The following OPTN variants were observed in gnomAD, a reference collection of about 807,000 sequenced individuals.
The protein encoded by OPTN is E3-14.7K-interacting protein.
In OPTN, 54 loss-of-function variants were observed where a neutral mutation model predicts 70.4. The ratio of observed to expected loss-of-function variants is 0.77; its 90% CI spans 0.62 to 0.96. The LOEUF is 0.96. Ranked by LOEUF, OPTN falls within the 40% of genes least tolerant of loss-of-function variation. The probability of loss-of-function intolerance (pLI) is 0.00; values close to 1 mark genes in which losing one functional copy is unlikely to be tolerated. For missense variants in OPTN, 624 were observed against 673.2 expected (o/e 0.93, Z 0.81); for synonymous variants, 256 against 248.5 (o/e 1.03, Z -0.28).
rs56147136 is a variant in OPTN, at chr10:13,128,502, CTTTTTTTTTTTTTTTTTTTTTT to C, written c.1401+610_1401+631del. 5.2e-3 allele frequency among the ~76,000 whole-genome samples: 173 copies of C among 33,518 alleles called. 4 individuals carry two copies. The highest frequency in any genetic ancestry group is 0.027 in the African/African-American group (164 of 6,170). 22.0% of individuals were successfully genotyped at this position (33,518 alleles called of 152,430 possible). A position where few individuals can be genotyped will look rare whatever the true frequency, so the allele number is the denominator to read the frequency against. ...TTGTGAAGTGCCTTATCAAGCCTGC[CTTTTTTTTTTTTTTTTTTTTTT>C]TTTTTTTTTTGGTTTGGTTTGCCTG... is the stretch of plus-strand genomic sequence containing the variant. On this transcript the variant is annotated intron_variant, in intron 12 of 14. Coordinates refer to ENST00000378747, the MANE Select transcript of OPTN (RefSeq NM_001008212.2).
intron 14 of OPTN, among the ~76,000 whole-genome samples, chr10:13,135,401 C>T (rs74122507): frequency 0.02 from 3,093 of 151,882 alleles, 93 homozygotes; most frequent in African/African-American, 0.07. Context: ...TCCTTGTTAA[C>T]TTTATGTAGA....
chr10:13,133,055 T>G (rs1034643299), intron 13 of OPTN, among the ~76,000 whole-genome samples: 1 of 152,206 alleles, frequency 6.6e-6, no homozygotes, highest in African/African-American at 2.4e-5. Flanking sequence ...TTTATACTTT[T>G]ACATATCACA....
chr10:13,125,497 A>C lies in OPTN; in HGVS notation c.1078A>C (p.Lys360Gln). Residue 360 changes from lysine (K) to glutamine (Q), a missense_variant, in exon 10 of 15, where the codon AAG becomes CAG. Physicochemically the swap from Lys to Gln is moderately conservative, Grantham distance 53. Transcript: ENST00000378747. ...GCAAGAGCTTGTTTATACTAACAAA[A>C]AGTTAGAGCTACAAGTGGAAAGCAT... is the stretch of plus-strand genomic sequence containing the variant. Reference protein sequence around the residue: ...EKQELVYTNKKLELQVESMLS... With the variant: ...EKQELVYTNKQLELQVESMLS... 1 of 1,614,190 alleles carries C rather than the reference A, an allele frequency of 6.2e-7. No homozygotes were observed. Among genetic ancestry groups the C allele is most frequent in the South Asian group, 1.1e-5 (1 of 91,082 alleles).
intron 12 of OPTN, among the ~76,000 whole-genome samples, chr10:13,128,912 C>T (rs74120682): frequency 0.056 from 8,583 of 152,050 alleles, 482 homozygotes; most frequent in African/African-American, 0.15. Flanking sequence ...TTATTTTTGC[C>T]TTTTCACTCT....
chr10:13,112,034 G>C (rs940480078), intron 4 of OPTN, among the ~76,000 whole-genome samples: 3 of 151,410 alleles, frequency 2.0e-5, no homozygotes, highest in South Asian at 2.1e-4. Context: ...ATTTTTAGTA[G>C]AGACGGGGTT....
chr10:13,133,954 G>A (rs531188552), intron 14 of OPTN, among the ~76,000 whole-genome samples: 9 of 152,210 alleles, frequency 5.9e-5, no homozygotes, highest in Admixed American at 3.3e-4. Flanking sequence ...AATTACAGGC[G>A]TGCACCGCCA....
intron 7 of OPTN, among the ~76,000 whole-genome samples, chr10:13,121,409 A>G (rs1210705505): frequency 2.0e-5 from 3 of 146,892 alleles, no homozygotes; most frequent in Admixed American, 1.4e-4. Flanking sequence ...GAGAATTGCT[A>G]TCTCCAGGAT....
At chr10:13,129,615 T>C (rs553455092) in intron 12 of OPTN, among the ~76,000 whole-genome samples, 1 of 152,296 alleles carries the variant, frequency 6.6e-6, no homozygotes, top group East Asian at 1.9e-4. Context: ...ATTACGGGCG[T>C]GAGCCACCGT....
At chr10:13,107,825 T>C (rs1019372614) in intron 1 of OPTN, among the ~76,000 whole-genome samples, 1 of 152,150 alleles carries the variant, frequency 6.6e-6, no homozygotes, top group Non-Finnish European at 1.5e-5. Flanking sequence ...GAGTTGCCTT[T>C]GCTATGTATT....
At chr10:13,124,496 A>G (rs572845790) in intron 9 of OPTN, among the ~76,000 whole-genome samples, 1 of 152,362 alleles carries the variant, frequency 6.6e-6, no homozygotes, top group Admixed American at 6.5e-5. Flanking sequence ...GAAAAAGGTC[A>G]ATTTCAATTT....
intron 12 of OPTN, among the ~76,000 whole-genome samples, chr10:13,129,202 A>G (rs1055362339): frequency 6.6e-6 from 1 of 152,270 alleles, no homozygotes; most frequent in South Asian, 2.1e-4. Flanking sequence ...ACTTGGCACC[A>G]TTTAAGCCAT....
Position 13,118,881 on chromosome 10 carries a change from T to C in OPTN, c.627-7T>C, listed in dbSNP as rs763311035. 1.1e-5 allele frequency: 18 copies of C among 1,613,548 alleles called. No homozygotes were observed. Among genetic ancestry groups the C allele is most frequent in the Non-Finnish European group, 2.5e-6 (3 of 1,179,576 alleles). The stretch of plus-strand genomic sequence containing the variant: ...GATGAAAACCTTTTAACCTTTATAC[T>C]GAACAGGGCATTGTCTAAATATAGG... On this transcript the variant is annotated splice_region_variant and splice_polypyrimidine_tract_variant and intron_variant, in intron 6 of 14. Coordinates refer to ENST00000378747, the MANE Select transcript of OPTN (RefSeq NM_001008212.2).
chr10:13,125,337 A>C, intron 9 of OPTN, 81 bp from the exon 10 acceptor site: 1 of 1,473,278 alleles, frequency 6.8e-7, no homozygotes, highest in Non-Finnish European at 9.5e-7. Flanking sequence ...CTTATATTGT[A>C]CATAACCTTG....
intron 4 of OPTN, among the ~76,000 whole-genome samples, chr10:13,111,084 T>G (rs1323874672): frequency 1.3e-5 from 2 of 152,238 alleles, no homozygotes; most frequent in East Asian, 1.9e-4. Flanking sequence ...CAGAACAAGT[T>G]TGAAATCCCC....
chr10:13,122,337 C>G (rs1349530313), intron 7 of OPTN, 48 bp from the exon 8 acceptor site: 3 of 1,340,624 alleles, frequency 2.2e-6, no homozygotes, highest in Non-Finnish European at 3.2e-6. Context: ...TGCTATTTCT[C>G]TTAAAGCCAA....
At chr10:13,130,980 C>CA (rs1308242897) in intron 12 of OPTN, among the ~76,000 whole-genome samples, 1 of 152,148 alleles carries the variant, frequency 6.6e-6, no homozygotes, top group Non-Finnish European at 1.5e-5. Context: ...AGTGCAGTCG[C>CA]ATGATCGTGG....
intron 12 of OPTN, among the ~76,000 whole-genome samples, chr10:13,129,993 G>T (rs1833558415): frequency 6.6e-6 from 1 of 152,128 alleles, no homozygotes; most frequent in Non-Finnish European, 1.5e-5. Context: ...GCATTTCCTT[G>T]CTTGGGTAAC....
At chr10:13,125,333 T>G (rs1833434771) in intron 9 of OPTN, 85 bp from the exon 10 acceptor site, 2 of 1,448,538 alleles carry the variant, frequency 1.4e-6, no homozygotes, top group Non-Finnish European at 1.9e-6. Context: ...AATTCTTATA[T>G]TGTACATAAC....
intron 13 of OPTN, 88 bp downstream of exon 13, chr10:13,132,285 A>T: frequency 6.6e-7 from 1 of 1,508,434 alleles, no homozygotes; most frequent in Non-Finnish European, 9.1e-7. Context: ...GATTTGAACT[A>T]TAAGAATAGC....
Sources: allele counts gnomAD v4.1 joint callset (sites outside exome capture counted in the v4.1 genomes callset), GRCh38; gene constraint gnomAD v4.1.1; transcripts MANE v1.5; gene names NCBI Gene and HGNC (gene_info 2026-07-23, HGNC 2026-07-21).